The following ESRRB variants were observed in gnomAD, a reference collection of about 807,000 sequenced individuals.
ESRRB encodes steroid hormone receptor ERR2.
Under a neutral mutation model 46.0 loss-of-function variants are expected in ESRRB, and 16 were observed. That is an observed-to-expected ratio of 0.35 (90% CI 0.24 to 0.53). The LOEUF (loss-of-function observed/expected upper bound fraction) is 0.53, where lower values mean the gene tolerates loss of function less well. Among genes scored for constraint, ESRRB ranks in the 20% least tolerant of loss-of-function variants. The pLI is 0.93. For synonymous variants in ESRRB, 246 were observed against 259.6 expected (o/e 0.95, Z 0.50); for missense variants, 488 against 607.4 (o/e 0.80, Z 2.07).
intron 2 of ESRRB, among the ~76,000 whole-genome samples, chr14:76,440,945 G>A (rs988832558): frequency 5.9e-5 from 9 of 152,160 alleles, no homozygotes; most frequent in African/African-American, 1.9e-4. Context: ...CTACTAGGGA[G>A]GCTGAGACAG....
At chr14:76,375,161 C>G (rs996811762), upstream of ESRRB, among the ~76,000 whole-genome samples, 3 of 151,646 alleles carry the variant, frequency 2.0e-5, no homozygotes, top group Admixed American at 2.0e-4. Context: ...ACCTACCCCC[C>G]TCCCCACACT....
chr14:76,400,948 C>T (rs1202902679), intron 1 of ESRRB, among the ~76,000 whole-genome samples: 1 of 152,204 alleles, frequency 6.6e-6, no homozygotes, highest in Non-Finnish European at 1.5e-5. Flanking sequence ...GGTCCTCTCG[C>T]TCTCCCTGAT....
At chr14:76,480,152 C>T (rs1889748879) in intron 3 of ESRRB, among the ~76,000 whole-genome samples, 1 of 152,186 alleles carries the variant, frequency 6.6e-6, no homozygotes, top group Non-Finnish European at 1.5e-5. Context: ...AGCCACCGCA[C>T]CTGACCAGGG....
At chr14:76,414,687 AAAAAAAC>A (rs1241184303) in intron 1 of ESRRB, among the ~76,000 whole-genome samples, 1 of 142,270 alleles carries the variant, frequency 7.0e-6, no homozygotes, top group African/African-American at 2.8e-5. Flanking sequence ...AAAAAAAAAA[AAAAAAAC>A]TATTCTAGAT....
intron 1 of ESRRB, among the ~76,000 whole-genome samples, chr14:76,402,679 T>C (rs1221617211): frequency 6.6e-6 from 1 of 152,118 alleles, no homozygotes; most frequent in Non-Finnish European, 1.5e-5. Context: ...AAGAGAGAAC[T>C]TTCTGGGAAT....
chr14:76,365,483 A>G (rs180989930), intron 1 of ESRRB, among the ~76,000 whole-genome samples: 27 of 139,418 alleles, frequency 1.9e-4, no homozygotes, highest in Non-Finnish European at 3.9e-4. Context: ...TGTCTCCAAA[A>G]CAAACAAACA....
chr14:76,384,088 C>T (rs1388931959), intron 1 of ESRRB, among the ~76,000 whole-genome samples: 5 of 152,050 alleles, frequency 3.3e-5, no homozygotes, highest in South Asian at 2.1e-4. Flanking sequence ...TCTTCCTAAT[C>T]GATCAGCAGA....
upstream of ESRRB, chr14:76,371,300 A>G (rs1884619178): frequency 6.6e-6 from 1 of 152,274 alleles, no homozygotes. Flanking sequence ...TCACTCAGGG[A>G]TATAACTCCA....
chr14:76,433,318 C>T (rs1431534148), intron 1 of ESRRB, among the ~76,000 whole-genome samples: 1 of 152,146 alleles, frequency 6.6e-6, no homozygotes, highest in African/African-American at 2.4e-5. Flanking sequence ...TATTTAACAT[C>T]GGGTAGCCAT....
chr14:76,458,479 CACAT>C (rs1183924646), intron 2 of ESRRB, among the ~76,000 whole-genome samples: 54 of 82,174 alleles, frequency 6.6e-4, no homozygotes, highest in African/African-American at 2.7e-3. Context: ...CAAACACACA[CACAT>C]GCATGCAGGC....
At chr14:76,493,339 G>C (rs1160776655) in intron 6 of ESRRB, among the ~76,000 whole-genome samples, 1 of 151,972 alleles carries the variant, frequency 6.6e-6, no homozygotes, top group African/African-American at 2.4e-5. Context: ...ATTTTTAGTA[G>C]AGACGGGGTT....
chr14:76,477,645 C>G (rs912995412), intron 3 of ESRRB, among the ~76,000 whole-genome samples: 10 of 152,196 alleles, frequency 6.6e-5, no homozygotes, highest in African/African-American at 2.2e-4. Flanking sequence ...GTGGGCTGTG[C>G]TTAGGGCAGG....
At position 76,447,508 on chromosome 14, in the gene ESRRB, C is replaced by G. The variant is rs1026859171; in HGVS notation, c.460+7758C>G. On this transcript the variant is annotated intron_variant, in intron 2 of 6. Transcript: ENST00000644823. ...ATTCCATAGGTCTTGCTGTCATCCT[C>G]TTCCCCAAGCTCCATTCCTTTCACA... Among the ~76,000 whole-genome samples the G allele has an allele frequency of 3.9e-5, 6 of 152,124 alleles. No homozygotes were observed. In the East Asian group the frequency reaches 1.2e-3, roughly 29 times the overall value.
intron 1 of ESRRB, among the ~76,000 whole-genome samples, chr14:76,392,344 C>T (rs537534227): frequency 8.9e-4 from 135 of 152,184 alleles, no homozygotes; most frequent in African/African-American, 3.2e-3. Flanking sequence ...TTTGGGAGTG[C>T]TAGAATTTAT....
At chr14:76,464,020 G>A (rs948800754) in intron 3 of ESRRB, among the ~76,000 whole-genome samples, 1 of 152,172 alleles carries the variant, frequency 6.6e-6, no homozygotes, top group Non-Finnish European at 1.5e-5. Context: ...TCAGTTTGAG[G>A]AACCTTGTTC....
intron 2 of ESRRB, among the ~76,000 whole-genome samples, chr14:76,442,575 A>G (rs1323545953): frequency 6.6e-5 from 10 of 152,174 alleles, no homozygotes; most frequent in African/African-American, 2.4e-4. Flanking sequence ...AATATATATA[A>G]AGCACTTAGA....
At chr14:76,391,356 C>G (rs1885461746) in intron 1 of ESRRB, among the ~76,000 whole-genome samples, 1 of 152,222 alleles carries the variant, frequency 6.6e-6, no homozygotes, top group Non-Finnish European at 1.5e-5. Flanking sequence ...CCTTTGCCAT[C>G]AGGAGGGGCA....
At chr14:76,475,073 A>AT (rs1321439187) in intron 3 of ESRRB, among the ~76,000 whole-genome samples, 5 of 151,692 alleles carry the variant, frequency 3.3e-5, no homozygotes, top group Non-Finnish European at 5.9e-5. Flanking sequence ...TTGCAAAAAA[A>AT]TTTTTAAAAA....
chr14:76,377,914 C>G lies in ESRRB; in HGVS notation c.50+1463C>G, dbSNP rs1192845312. Among the ~76,000 whole-genome samples, 3 of 152,000 alleles carry G rather than the reference C, an allele frequency of 2.0e-5. No individual in the cohort carries two copies. In the East Asian group the frequency reaches 5.8e-4, roughly 29 times the overall value. On this transcript the variant is annotated intron_variant, in intron 1 of 6. Coordinates refer to ENST00000644823, the MANE Select transcript of ESRRB (RefSeq NM_001379180.1). The stretch of plus-strand genomic sequence containing the variant: ...GGCCTTTTAGATGCCACCAGAATGT[C>G]GGCAGAAGGCGCTGGTCTGGGAGAG...
Sources: allele counts gnomAD v4.1 joint callset (sites outside exome capture counted in the v4.1 genomes callset), GRCh38; gene constraint gnomAD v4.1.1; transcripts MANE v1.5; gene names NCBI Gene and HGNC (gene_info 2026-07-23, HGNC 2026-07-21).